GRIK4: variants seen among roughly 807,000 people sequenced by gnomAD.
The protein encoded by GRIK4 is glutamate receptor ionotropic, kainate 4.
In GRIK4, 40 loss-of-function variants were observed where a neutral mutation model predicts 104.9. The observed-to-expected ratio is 0.38, with a 90% CI of 0.30 to 0.50. GRIK4 has a LOEUF of 0.50. Ranked by LOEUF, GRIK4 falls within the 20% of genes least tolerant of loss-of-function variation. The pLI is 0.93. For synonymous variants in GRIK4, 485 were observed against 524.9 expected (o/e 0.92, Z 1.04); for missense variants, 1,047 against 1,308.1 (o/e 0.80, Z 3.08).
At chr11:120,805,470 A>T (rs1952693378) in intron 4 of GRIK4, among the ~76,000 whole-genome samples, 1 of 152,234 alleles carries the variant, frequency 6.6e-6, no homozygotes, top group African/African-American at 2.4e-5. Flanking sequence ...CAGGGGAATA[A>T]AGGAAACAGG....
chr11:120,934,434 C>T (rs552433652), intron 13 of GRIK4, among the ~76,000 whole-genome samples: 5 of 152,222 alleles, frequency 3.3e-5, no homozygotes, highest in South Asian at 2.1e-4. Context: ...CCCAGGCAGA[C>T]GCAGACCACA....
chr11:120,824,538 T>C (rs1288433051), intron 6 of GRIK4, among the ~76,000 whole-genome samples: 1 of 147,164 alleles, frequency 6.8e-6, no homozygotes, highest in Non-Finnish European at 1.5e-5. Context: ...TTTTTCCTTC[T>C]TTTTTTTTTC....
chr11:120,793,826 C>T (rs1435542852), intron 3 of GRIK4, among the ~76,000 whole-genome samples: 1 of 149,892 alleles, frequency 6.7e-6, no homozygotes, highest in Non-Finnish European at 1.5e-5. Flanking sequence ...GGGCTGAGAG[C>T]TGGGTGGTGG....
At chr11:120,688,479 G>A (rs1565296202) in intron 3 of GRIK4, among the ~76,000 whole-genome samples, 1 of 152,206 alleles carries the variant, frequency 6.6e-6, no homozygotes, top group Non-Finnish European at 1.5e-5. Flanking sequence ...CCATGAAGAA[G>A]GCAGGGAAAT....
At chr11:120,611,930 C>T (rs1949043428) in intron 1 of GRIK4, among the ~76,000 whole-genome samples, 1 of 152,174 alleles carries the variant, frequency 6.6e-6, no homozygotes, top group African/African-American at 2.4e-5. Context: ...TTGTGCAGTG[C>T]AGGGAGTGCT....
intron 3 of GRIK4, among the ~76,000 whole-genome samples, chr11:120,728,046 A>C (rs1029642574): frequency 6.6e-6 from 1 of 152,170 alleles, no homozygotes; most frequent in African/African-American, 2.4e-5. Flanking sequence ...AAACATATAT[A>C]AATTTAAACT....
At chr11:120,926,875 C>T (rs2852241) in intron 13 of GRIK4, among the ~76,000 whole-genome samples, 141,014 of 152,278 alleles carry the variant, frequency 0.93, 65,439 homozygotes, top group East Asian at 0.99. Context: ...TCATGATTTC[C>T]GCTGTGAAGA....
At chr11:120,521,241 A>G (rs1354717170) in intron 1 of GRIK4, among the ~76,000 whole-genome samples, 1 of 151,854 alleles carries the variant, frequency 6.6e-6, no homozygotes, top group Non-Finnish European at 1.5e-5. Context: ...CCTGGCGAAT[A>G]TTTTGATTTT....
intron 3 of GRIK4, among the ~76,000 whole-genome samples, chr11:120,721,474 G>C (rs528113352): frequency 7.3e-4 from 111 of 152,296 alleles, no homozygotes; most frequent in African/African-American, 2.5e-3. Context: ...CAAGAGGAGG[G>C]ACCATGCCAC....
chr11:120,942,046 T>G (rs1245447593), intron 14 of GRIK4, among the ~76,000 whole-genome samples: 2 of 152,238 alleles, frequency 1.3e-5, no homozygotes, highest in African/African-American at 4.8e-5. Flanking sequence ...AATGATGTGT[T>G]TGAAGCCTGT....
intron 3 of GRIK4, among the ~76,000 whole-genome samples, chr11:120,735,737 G>A (rs1951210489): frequency 6.6e-6 from 1 of 151,936 alleles, no homozygotes; most frequent in Non-Finnish European, 1.5e-5. Context: ...TTCTTCTGTG[G>A]CTAAGCTGGC....
chr11:120,769,957 T>TA (rs2135454813), intron 3 of GRIK4, among the ~76,000 whole-genome samples: 1 of 152,322 alleles, frequency 6.6e-6, no homozygotes, highest in South Asian at 2.1e-4. Context: ...TTAACCAATA[T>TA]ATAATTAATT....
chr11:120,662,609 T>C (rs56777278), intron 3 of GRIK4, among the ~76,000 whole-genome samples: 4,239 of 152,146 alleles, frequency 0.028, 204 homozygotes, highest in African/African-American at 0.097. Flanking sequence ...CAGCCTTGCA[T>C]GCAGATGGGC....
intron 3 of GRIK4, among the ~76,000 whole-genome samples, chr11:120,772,873 T>C (rs1020829221): frequency 6.6e-6 from 1 of 151,892 alleles, no homozygotes; most frequent in South Asian, 2.1e-4. Context: ...ATTCATCTAG[T>C]CATCTAGTCA....
chr11:120,865,588 C>A (rs375206608), intron 9 of GRIK4, among the ~76,000 whole-genome samples: 4 of 152,194 alleles, frequency 2.6e-5, no homozygotes, highest in Admixed American at 6.5e-5. Flanking sequence ...CAAGTGGAAA[C>A]GCAAAGACCT....
chr11:120,702,252 C>A (rs757191281), intron 3 of GRIK4, among the ~76,000 whole-genome samples: 1 of 149,218 alleles, frequency 6.7e-6, no homozygotes, highest in Non-Finnish European at 1.5e-5. Context: ...CTGCGCCTGG[C>A]GACTCCAAGG....
chr11:120,986,024 C>G lies in GRIK4; in HGVS notation c.2635C>G (p.Arg879Gly). The part of the protein sequence containing the change: ...PPPRPPIPEE[R>G]RPRGTATLSN... ...GCCCCGGCCCCCCATCCCCGAGGAG[C>G]GCCGACCGCGGGGCACGGCGACGCT... The change falls in exon 21 of 21, where the codon CGC (arginine) becomes GGC (glycine). Residue 879 changes from arginine to glycine, a missense_variant. Coordinates refer to ENST00000527524, the MANE Select transcript of GRIK4 (RefSeq NM_014619.5). 2.0e-6 allele frequency: 3 copies of G among 1,525,130 alleles called. No individual in the cohort carries two copies. Among genetic ancestry groups the G allele is most frequent in the Non-Finnish European group, 2.6e-6 (3 of 1,137,532 alleles). 94.5% of individuals were successfully genotyped at this position (1,525,130 alleles called of 1,614,324 possible).
At chr11:120,826,072 A>T (rs999314691) in intron 6 of GRIK4, among the ~76,000 whole-genome samples, 2 of 152,182 alleles carry the variant, frequency 1.3e-5, no homozygotes, top group Non-Finnish European at 2.9e-5. Flanking sequence ...CGTGCCCAAC[A>T]CCATGCTAAG....
At chr11:120,918,608 A>C (rs866014202) in intron 13 of GRIK4, among the ~76,000 whole-genome samples, 1 of 152,214 alleles carries the variant, frequency 6.6e-6, no homozygotes, top group East Asian at 1.9e-4. Context: ...TCCTACAAAA[A>C]TGCCTTTAGC....
Sources: allele counts gnomAD v4.1 joint callset (sites outside exome capture counted in the v4.1 genomes callset), GRCh38; gene constraint gnomAD v4.1.1; transcripts MANE v1.5; gene names NCBI Gene and HGNC (gene_info 2026-07-23, HGNC 2026-07-21).